The following ZNRF2 variants were observed in gnomAD, a reference collection of about 807,000 sequenced individuals.
ZNRF2 encodes zinc and ring finger 2, also known as E3 ubiquitin-protein ligase ZNRF2.
Under a neutral mutation model 20.4 loss-of-function variants are expected in ZNRF2, and 16 were observed. The ratio of observed to expected loss-of-function variants is 0.79; its 90% CI spans 0.53 to 1.19. The LOEUF (loss-of-function observed/expected upper bound fraction) is 1.19. Among genes scored for constraint, ZNRF2 ranks in the 50% most tolerant of loss-of-function variants. ZNRF2 has a pLI of 0.00. For synonymous variants in ZNRF2, 178 were observed against 144.9 expected, an observed-to-expected ratio of 1.23 and a Z score of -1.64; for missense variants, 363 against 332.4, an observed-to-expected ratio of 1.09 and a Z score of -0.72.
intron 2 of ZNRF2, among the ~76,000 whole-genome samples, chr7:30,331,555 C>T (rs1478452122): frequency 6.6e-6 from 1 of 151,926 alleles, no homozygotes; most frequent in Admixed American, 6.6e-5. Flanking sequence ...TGAGAGAGTA[C>T]CTGGCATGGA....
At chr7:30,324,371 T>G (rs1464660948) in intron 2 of ZNRF2, among the ~76,000 whole-genome samples, 1 of 138,070 alleles carries the variant, frequency 7.2e-6, no homozygotes, top group Non-Finnish European at 1.6e-5. Context: ...CCATCTCTAC[T>G]AAAAGAAAAA....
At chr7:30,344,993 T>G (rs1378658825) in intron 2 of ZNRF2, among the ~76,000 whole-genome samples, 1 of 152,152 alleles carries the variant, frequency 6.6e-6, no homozygotes, top group South Asian at 2.1e-4. Flanking sequence ...ACTTAGTCTT[T>G]TTGCCAGAAT....
At chr7:30,316,251 G>A (rs972071438) in intron 1 of ZNRF2, among the ~76,000 whole-genome samples, 11 of 113,830 alleles carry the variant, frequency 9.7e-5, no homozygotes, top group African/African-American at 3.7e-4. Flanking sequence ...TTGCACCACT[G>A]TACTCCAGCC....
chr7:30,330,670 C>T (rs867366190), intron 2 of ZNRF2, among the ~76,000 whole-genome samples: 1 of 152,070 alleles, frequency 6.6e-6, no homozygotes, highest in South Asian at 2.1e-4. Flanking sequence ...GCCTTATATA[C>T]TACATTTTCT....
Position 30,344,757 on chromosome 7 carries a change from A to G in ZNRF2, c.566-10971A>G, listed in dbSNP as rs757775050. Among the ~76,000 whole-genome samples the G allele has an allele frequency of 7.9e-5, 12 of 152,224 alleles. No individual in the cohort carries two copies. The South Asian group carries it at 8.3e-4, about 11-fold the overall frequency. ...TTCATCCTCATAGAAATCCTTTCAC[A>G]TGGGCTCATGGGAAATAATTACCTA... On this transcript the variant is annotated intron_variant, in intron 2 of 4. Coordinates refer to ENST00000323037, the MANE Select transcript of ZNRF2 (RefSeq NM_147128.4).
At chr7:30,290,476 T>C (rs531142160) in intron 1 of ZNRF2, among the ~76,000 whole-genome samples, 1 of 152,326 alleles carries the variant, frequency 6.6e-6, no homozygotes, top group South Asian at 2.1e-4. Flanking sequence ...ACAGACTTCC[T>C]TGGGTTATTG....
At chr7:30,332,029 A>G (rs755074597) in intron 2 of ZNRF2, among the ~76,000 whole-genome samples, 4 of 152,218 alleles carry the variant, frequency 2.6e-5, no homozygotes, top group Non-Finnish European at 4.4e-5. Flanking sequence ...AAATACACAT[A>G]GCTGCCCAAA....
intron 2 of ZNRF2, among the ~76,000 whole-genome samples, chr7:30,353,242 G>A (rs1401836416): frequency 2.0e-5 from 3 of 152,060 alleles, no homozygotes; most frequent in East Asian, 3.8e-4. Context: ...GCTACAATAT[G>A]TTAACATTAG....
intron 1 of ZNRF2, among the ~76,000 whole-genome samples, chr7:30,290,585 T>C (rs1798882946): frequency 6.6e-6 from 1 of 152,256 alleles, no homozygotes; most frequent in Non-Finnish European, 1.5e-5. Flanking sequence ...TACATAATCG[T>C]GTACATGTAA....
At chr7:30,350,298 T>A (rs1324659271) in intron 2 of ZNRF2, among the ~76,000 whole-genome samples, 1 of 152,016 alleles carries the variant, frequency 6.6e-6, no homozygotes, top group Non-Finnish European at 1.5e-5. Context: ...AAAGTCATCA[T>A]CAAAAGAGTA....
At chr7:30,295,888 CTG>C (rs1799012607) in intron 1 of ZNRF2, among the ~76,000 whole-genome samples, 1 of 152,208 alleles carries the variant, frequency 6.6e-6, no homozygotes, top group Admixed American at 6.5e-5. Flanking sequence ...GTGCTTTACT[CTG>C]ATACCGTATT....
At chr7:30,348,101 T>C (rs1252473575) in intron 2 of ZNRF2, among the ~76,000 whole-genome samples, 3 of 151,622 alleles carry the variant, frequency 2.0e-5, no homozygotes, top group Non-Finnish European at 4.4e-5. Flanking sequence ...GGCACATTTA[T>C]ATATTCAGTA....
intron 2 of ZNRF2, among the ~76,000 whole-genome samples, chr7:30,342,466 T>C (rs1363481963): frequency 6.6e-6 from 1 of 152,220 alleles, no homozygotes; most frequent in Non-Finnish European, 1.5e-5. Flanking sequence ...GTAAAGGATA[T>C]TATTTCTCCT....
chr7:30,345,596 G>C (rs999824106), intron 2 of ZNRF2, among the ~76,000 whole-genome samples: 7 of 151,332 alleles, frequency 4.6e-5, no homozygotes, highest in Non-Finnish European at 8.8e-5. Context: ...GGATCAAGTT[G>C]CTTTCCTTTC....
intron 1 of ZNRF2, among the ~76,000 whole-genome samples, chr7:30,295,100 T>TGTGTGTGA (rs879278173): frequency 2.2e-5 from 3 of 136,122 alleles, no homozygotes; most frequent in African/African-American, 8.7e-5. Flanking sequence ...TGTGTGTGTG[T>TGTGTGTGA]GATTGCAGGT....
At chr7:30,348,690 C>T (rs1278809808) in intron 2 of ZNRF2, among the ~76,000 whole-genome samples, 3 of 152,154 alleles carry the variant, frequency 2.0e-5, no homozygotes, top group African/African-American at 4.8e-5. Flanking sequence ...CTACATGTAC[C>T]GGTTTGCTTC....
chr7:30,358,306 A>G (rs1187242445), intron 3 of ZNRF2, among the ~76,000 whole-genome samples: 1 of 152,230 alleles, frequency 6.6e-6, no homozygotes, highest in Non-Finnish European at 1.5e-5. Context: ...TATAACATTA[A>G]TGTCAACAGA....
At chr7:30,297,289 G>A (rs116581543) in intron 1 of ZNRF2, among the ~76,000 whole-genome samples, 6,044 of 152,116 alleles carry the variant, frequency 0.04, 378 homozygotes, top group African/African-American at 0.14. Context: ...TATGAGATCT[G>A]TCTTTTTTCA....
intron 1 of ZNRF2, among the ~76,000 whole-genome samples, chr7:30,315,727 C>CGGCGG (rs1554294834): frequency 1.1e-4 from 3 of 28,402 alleles, no homozygotes; most frequent in African/African-American, 3.8e-4. Flanking sequence ...AAAGGTGGGG[C>CGGCGG]GGGGGGGGGG....
Sources: gnomAD v4.1 joint callset for allele counts (sites outside exome capture counted in the v4.1 genomes callset) on GRCh38, gnomAD v4.1.1 for gene constraint, MANE v1.5 for transcripts, NCBI Gene and HGNC (gene_info 2026-07-23, HGNC 2026-07-21) for gene names.